The following LIPA variants were observed in gnomAD, a reference collection of about 807,000 sequenced individuals.
The protein encoded by LIPA is lysosomal acid lipase/cholesteryl ester hydrolase.
Under a neutral mutation model 40.6 loss-of-function variants are expected in LIPA, and 26 were observed. The observed-to-expected ratio is 0.64, with a 90% CI of 0.47 to 0.89. The LOEUF (loss-of-function observed/expected upper bound fraction) is 0.89. LIPA is among the 40% of genes least tolerant of loss of function. LIPA has a pLI of 0.00. For synonymous variants in LIPA, 188 were observed against 168.4 expected (o/e 1.12, Z -0.90); for missense variants, 455 against 479.6 (o/e 0.95, Z 0.48).
chr10:89,294,797 A>G (rs753047691), intron 1 of LIPA, among the ~76,000 whole-genome samples: 2 of 152,038 alleles, frequency 1.3e-5, no homozygotes, highest in Non-Finnish European at 2.9e-5. Context: ...AAACATAGTG[A>G]GACCCTATCT....
intron 1 of LIPA, among the ~76,000 whole-genome samples, chr10:89,282,467 G>A (rs1203739530): frequency 2.6e-5 from 4 of 151,654 alleles, no homozygotes; most frequent in Non-Finnish European, 5.9e-5. Context: ...GAGAAACCCC[G>A]TCTCTGCTAA....
chr10:89,220,716 TC>T (rs2133421834), intron 8 of LIPA, among the ~76,000 whole-genome samples: 1 of 152,264 alleles, frequency 6.6e-6, no homozygotes, highest in East Asian at 1.9e-4. Flanking sequence ...TCTTCCTAGT[TC>T]CTTAGAGACG....
chr10:89,294,700 T>C (rs1444626635), intron 1 of LIPA, among the ~76,000 whole-genome samples: 1 of 152,156 alleles, frequency 6.6e-6, no homozygotes, highest in Non-Finnish European at 1.5e-5. Flanking sequence ...GCTGGCCAAG[T>C]GCTGTGGCTT....
At chr10:89,251,476 G>C (rs1843119487) in intron 1 of LIPA, among the ~76,000 whole-genome samples, 3 of 143,630 alleles carry the variant, frequency 2.1e-5, no homozygotes, top group East Asian at 4.0e-4. Context: ...CGCCTGTCCA[G>C]GAAAGTGGAC....
intron 1 of LIPA, among the ~76,000 whole-genome samples, chr10:89,296,896 C>T (rs1843418719): frequency 6.6e-6 from 1 of 152,114 alleles, no homozygotes; most frequent in South Asian, 2.1e-4. Flanking sequence ...TATGGCTGTA[C>T]ATTGTGATTT....
At chr10:89,396,241 C>G (rs1844340641) in intron 2 of LIPA, among the ~76,000 whole-genome samples, 1 of 152,198 alleles carries the variant, frequency 6.6e-6, no homozygotes, top group African/African-American at 2.4e-5. Context: ...GTTTCAATTT[C>G]TCCACATCCT....
At chr10:89,238,854 T>C (rs1337511028) in intron 3 of LIPA, among the ~76,000 whole-genome samples, 1 of 152,246 alleles carries the variant, frequency 6.6e-6, no homozygotes, top group Non-Finnish European at 1.5e-5. Context: ...AGTAGGCTAT[T>C]AGTTAAATTT....
chr10:89,383,798 C>T (rs764241446), intron 2 of LIPA: 1 of 1,614,188 alleles, frequency 6.2e-7, no homozygotes, highest in Non-Finnish European at 8.5e-7. Context: ...CGGGCCAAGA[C>T]CTGCTTTGAA....
chr10:89,325,880 C>A (rs1358857181), intron 1 of LIPA, among the ~76,000 whole-genome samples: 1 of 152,016 alleles, frequency 6.6e-6, no homozygotes, highest in Non-Finnish European at 1.5e-5. Context: ...AAAAAACCTA[C>A]AATGAGATAT....
At chr10:89,347,489 A>G (rs539949555), upstream of LIPA, among the ~76,000 whole-genome samples, 1 of 152,342 alleles carries the variant, frequency 6.6e-6, no homozygotes, top group Non-Finnish European at 1.5e-5. Context: ...CCAAGGGCCA[A>G]CCTTGCAAGC....
intron 8 of LIPA, among the ~76,000 whole-genome samples, chr10:89,220,101 A>T (rs1238076781): frequency 6.6e-6 from 1 of 152,200 alleles, no homozygotes; most frequent in Admixed American, 6.5e-5. Flanking sequence ...CAAGACACAG[A>T]AGGGTGAAGC....
intron 3 of LIPA, among the ~76,000 whole-genome samples, chr10:89,235,111 C>A (rs868021321): frequency 1.2e-4 from 18 of 152,202 alleles, no homozygotes; most frequent in Admixed American, 2.0e-4. Flanking sequence ...AGGATGTGGA[C>A]AAAGTGCTTG....
chr10:89,409,784 A>G (rs1841456241), intron 2 of LIPA, among the ~76,000 whole-genome samples: 1 of 152,186 alleles, frequency 6.6e-6, no homozygotes, highest in Non-Finnish European at 1.5e-5. Flanking sequence ...TAATTGGGAG[A>G]CTTTGCTCTT....
At chr10:89,331,140 A>T (rs1013304603) in intron 1 of LIPA, among the ~76,000 whole-genome samples, 1 of 152,200 alleles carries the variant, frequency 6.6e-6, no homozygotes, top group Non-Finnish European at 1.5e-5. Flanking sequence ...GTTCAACAGA[A>T]TGACAACTTC....
chr10:89,307,079 C>G (rs1564782033), intron 1 of LIPA: 1 of 1,614,044 alleles, frequency 6.2e-7, no homozygotes, highest in Non-Finnish European at 8.5e-7. Context: ...ACTGCTCCAT[C>G]TGCGGTATGG....
chr10:89,297,187 G>C (rs138792885), intron 1 of LIPA, among the ~76,000 whole-genome samples: 4 of 152,250 alleles, frequency 2.6e-5, no homozygotes, highest in Admixed American at 2.6e-4. Context: ...TTCAGGGAAA[G>C]GTCAAATGAG....
At chr10:89,384,482 A>T in intron 2 of LIPA, 1 of 1,614,234 alleles carries the variant, frequency 6.2e-7, no homozygotes, top group Non-Finnish European at 8.5e-7. Context: ...TTCCAAGAAC[A>T]TCATGGGAAA....
intron 1 of LIPA, among the ~76,000 whole-genome samples, chr10:89,287,867 A>G (rs1306201021): frequency 2.0e-5 from 3 of 151,946 alleles, no homozygotes; most frequent in Non-Finnish European, 2.9e-5. Flanking sequence ...TTGCCTATCC[A>G]CCCTGTAGTG....
At chr10:89,276,712 A>AT (rs1843291051) in intron 1 of LIPA, among the ~76,000 whole-genome samples, 1 of 152,226 alleles carries the variant, frequency 6.6e-6, no homozygotes, top group Non-Finnish European at 1.5e-5. Flanking sequence ...TATGCCAGTT[A>AT]TTTAATATTT....
Sources: allele counts gnomAD v4.1 joint callset (sites outside exome capture counted in the v4.1 genomes callset), GRCh38; gene constraint gnomAD v4.1.1; transcripts MANE v1.5; gene names NCBI Gene and HGNC (gene_info 2026-07-23, HGNC 2026-07-21).